Variants in FRMD4A observed in about 807,000 individuals in gnomAD.
FRMD4A encodes FERM domain-containing protein 4A.
Under a neutral mutation model 129.1 loss-of-function variants are expected in FRMD4A, and 29 were observed. The ratio of observed to expected loss-of-function variants is 0.22; its 90% confidence interval spans 0.17 to 0.31. The LOEUF is 0.31. FRMD4A is among the 10% of genes least tolerant of loss of function. The pLI is 1.00. For missense variants in FRMD4A, 1,272 were observed against 1,375.8 expected (o/e 0.92, Z 1.19); for synonymous variants, 634 against 571.6 (o/e 1.11, Z -1.56).
chr10:14,224,220 T>C (rs1338553047), intron 2 of FRMD4A, among the ~76,000 whole-genome samples: 14 of 152,216 alleles, frequency 9.2e-5, no homozygotes, highest in Non-Finnish European at 2.9e-5. Context: ...TTCTGAGGAA[T>C]GTCTCAAAGA....
At chr10:14,189,292 G>C (rs1842244101) in intron 2 of FRMD4A, among the ~76,000 whole-genome samples, 1 of 152,076 alleles carries the variant, frequency 6.6e-6, no homozygotes, top group Non-Finnish European at 1.5e-5. Context: ...GAAGAGAATG[G>C]GCCCGGCGCG....
intron 2 of FRMD4A, among the ~76,000 whole-genome samples, chr10:14,122,222 T>C (rs1251166572): frequency 6.6e-6 from 1 of 152,150 alleles, no homozygotes; most frequent in Non-Finnish European, 1.5e-5. Flanking sequence ...AAGCATCACA[T>C]AACACAAAAG....
At chr10:14,311,793 T>G (rs887604566) in intron 2 of FRMD4A, among the ~76,000 whole-genome samples, 2 of 152,136 alleles carry the variant, frequency 1.3e-5, no homozygotes, top group Admixed American at 1.3e-4. Flanking sequence ...TCTTCCTTCT[T>G]TGTATTTCCA....
At chr10:14,018,007 G>A (rs948653045) in intron 2 of FRMD4A, among the ~76,000 whole-genome samples, 2 of 152,148 alleles carry the variant, frequency 1.3e-5, no homozygotes, top group Non-Finnish European at 2.9e-5. Flanking sequence ...AGGATGAGTA[G>A]GGGATTCTAA....
At chr10:13,834,771 G>A (rs1564882007) in intron 3 of FRMD4A, among the ~76,000 whole-genome samples, 1 of 152,158 alleles carries the variant, frequency 6.6e-6, no homozygotes, top group Admixed American at 6.5e-5. Flanking sequence ...ACATTTCCAG[G>A]AAGGCTATTA....
At chr10:13,844,541 T>C (rs2094015774) in intron 3 of FRMD4A, among the ~76,000 whole-genome samples, 1 of 152,220 alleles carries the variant, frequency 6.6e-6, no homozygotes, top group Non-Finnish European at 1.5e-5. Flanking sequence ...GCCCACTTTA[T>C]TGTAGTAACA....
chr10:14,304,446 T>G (rs146502566), intron 2 of FRMD4A, among the ~76,000 whole-genome samples: 70 of 152,326 alleles, frequency 4.6e-4, no homozygotes, highest in African/African-American at 1.6e-3. Flanking sequence ...CTTGGCTTTA[T>G]AGGCAGCGTC....
At chr10:14,261,748 G>A (rs976415354) in intron 2 of FRMD4A, among the ~76,000 whole-genome samples, 1 of 152,056 alleles carries the variant, frequency 6.6e-6, no homozygotes, top group African/African-American at 2.4e-5. Flanking sequence ...GGACCTTAGT[G>A]TCTTTGTCTA....
At chr10:14,284,202 T>C (rs998995813) in intron 2 of FRMD4A, among the ~76,000 whole-genome samples, 1 of 152,220 alleles carries the variant, frequency 6.6e-6, no homozygotes, top group Non-Finnish European at 1.5e-5. Flanking sequence ...TTGCTAATAC[T>C]GTTCACCCTC....
chr10:14,213,442 T>C (rs889265655), intron 2 of FRMD4A, among the ~76,000 whole-genome samples: 4 of 152,100 alleles, frequency 2.6e-5, no homozygotes, highest in African/African-American at 9.7e-5. Flanking sequence ...AGAGGGTAAG[T>C]AGCTTGTCTG....
At chr10:14,234,484 G>A (rs896327017) in intron 2 of FRMD4A, among the ~76,000 whole-genome samples, 1 of 152,190 alleles carries the variant, frequency 6.6e-6, no homozygotes, top group South Asian at 2.1e-4. Context: ...ATTCTTCTTA[G>A]GTAGCAGCCA....
At chr10:14,304,562 C>T (rs899449015) in intron 2 of FRMD4A, among the ~76,000 whole-genome samples, 13 of 152,170 alleles carry the variant, frequency 8.5e-5, no homozygotes, top group African/African-American at 2.4e-4. Context: ...ATGCTTGGAT[C>T]GAGGAGGTGC....
chr10:13,673,224 C>A (rs577259356), intron 16 of FRMD4A, among the ~76,000 whole-genome samples: 18 of 152,144 alleles, frequency 1.2e-4, no homozygotes, highest in Non-Finnish European at 7.3e-5. Flanking sequence ...TATCACATAG[C>A]GCATTCCCCA....
At chr10:13,782,409 A>C (rs1487569832) in intron 6 of FRMD4A, among the ~76,000 whole-genome samples, 1 of 149,946 alleles carries the variant, frequency 6.7e-6, no homozygotes, top group Non-Finnish European at 1.5e-5. Context: ...ACAGCCATGG[A>C]TCAAAGGAAT....
chr10:14,132,759 C>A (rs1279989055), intron 2 of FRMD4A, among the ~76,000 whole-genome samples: 2 of 152,242 alleles, frequency 1.3e-5, no homozygotes, highest in African/African-American at 4.8e-5. Flanking sequence ...GGCTCCCACG[C>A]AGGCCCAGCT....
At chr10:14,109,928 G>A (rs1055849422) in intron 2 of FRMD4A, among the ~76,000 whole-genome samples, 10 of 149,266 alleles carry the variant, frequency 6.7e-5, no homozygotes, top group Non-Finnish European at 1.2e-4. Context: ...CCAAGATCAC[G>A]ACACTGCACT....
At chr10:14,295,350 A>C (rs1367938369) in intron 2 of FRMD4A, among the ~76,000 whole-genome samples, 1 of 152,234 alleles carries the variant, frequency 6.6e-6, no homozygotes, top group African/African-American at 2.4e-5. Context: ...TTTTTTAAAA[A>C]GTGAAGTGAT....
intron 11 of FRMD4A, among the ~76,000 whole-genome samples, chr10:13,739,541 G>A (rs2090861777): frequency 6.6e-6 from 1 of 152,182 alleles, no homozygotes; most frequent in Admixed American, 6.5e-5. Flanking sequence ...CTACTCCTTT[G>A]GCACTTTGAA....
intron 2 of FRMD4A, among the ~76,000 whole-genome samples, chr10:14,112,636 C>T (rs527637687): frequency 2.8e-4 from 43 of 152,268 alleles, no homozygotes; most frequent in Admixed American, 5.2e-4. Context: ...AGTGATTCTC[C>T]TGCCTCAGCC....
Sources: allele counts gnomAD v4.1 joint callset (sites outside exome capture counted in the v4.1 genomes callset), GRCh38; gene constraint gnomAD v4.1.1; transcripts MANE v1.5; gene names NCBI Gene and HGNC (gene_info 2026-07-23, HGNC 2026-07-21).